DNAH10: variants seen among roughly 807,000 people sequenced by gnomAD.
DNAH10 encodes axonemal beta dynein heavy chain 10.
A neutral mutation model predicts 506.6 loss-of-function variants in DNAH10; 348 were observed. That is an observed-to-expected ratio of 0.69 (90% confidence interval 0.63 to 0.75). The LOEUF (loss-of-function observed/expected upper bound fraction) is 0.75, where lower values mean the gene tolerates loss of function less well. Ranked by LOEUF, DNAH10 falls within the 30% of genes least tolerant of loss-of-function variation. The pLI, the probability that DNAH10 is intolerant of heterozygous loss-of-function variation, is 0.00. For synonymous variants in DNAH10, 2,059 were observed against 2,198.6 expected, an observed-to-expected ratio of 0.94 and a Z score of 1.78; for missense variants, 5,179 against 5,787.1, an observed-to-expected ratio of 0.89 and a Z score of 3.41.
intron 2 of DNAH10, among the ~76,000 whole-genome samples, chr12:123,768,503 C>T (rs1957133640): frequency 6.6e-6 from 1 of 152,212 alleles, no homozygotes; most frequent in Non-Finnish European, 1.5e-5. Context: ...CATATCACCT[C>T]ATCTTTACTA....
intron 1 of DNAH10, among the ~76,000 whole-genome samples, chr12:123,766,908 C>CTTTTTTTTTTTTTTTTTT (rs374930458): frequency 7.3e-6 from 1 of 137,930 alleles, no homozygotes; most frequent in Non-Finnish European, 1.6e-5. Context: ...TTTCTTTTTT[C>CTTTTTTTTTTTTTTTTTT]TTTTTTTTTT....
chr12:123,896,514 T>G (rs765202472), intron 54 of DNAH10, among the ~76,000 whole-genome samples: 4 of 152,160 alleles, frequency 2.6e-5, no homozygotes. Context: ...TTTGCCGATA[T>G]GTGCTGGGTG....
At position 123,794,131 on chromosome 12, in the gene DNAH10, G is replaced by A; in HGVS notation, c.1986+19G>A. ...TAAAGAGGTAATTGAAAAATCGATA[G>A]CTGCCATAGCATTAAAAATACACTT... On this transcript the variant is annotated intron_variant, in intron 12 of 78. Coordinates refer to ENST00000673944, the MANE Select transcript of DNAH10 (RefSeq NM_001372106.1). 1 of 1,151,726 alleles carries A rather than the reference G, an allele frequency of 8.7e-7. No individual in the cohort carries two copies. 71.3% of individuals were successfully genotyped at this position (1,151,726 alleles called of 1,614,324 possible).
chr12:123,824,466 A>G (rs1395526435), intron 24 of DNAH10, among the ~76,000 whole-genome samples: 2 of 152,188 alleles, frequency 1.3e-5, no homozygotes, highest in Middle Eastern at 6.3e-3. Context: ...CTGAGCCACC[A>G]GTTCAGATGG....
In DNAH10 at chr12:123,917,883, C is replaced by T; in HGVS notation, c.11232+70C>T. On this transcript the variant is annotated intron_variant, in intron 64 of 78. Coordinates refer to ENST00000673944, the MANE Select transcript of DNAH10 (RefSeq NM_001372106.1). This position sits in a 1 kb window ranked among gnomAD's most constrained non-coding sequence, Gnocchi z 5.6. ...ATGCGCCGTTGGAGCGTCCATTTCT[C>T]TGTCTGCTCAATGAGAAAATGGGGC... 1 of 1,474,168 alleles carries T rather than the reference C, an allele frequency of 6.8e-7. No individual in the cohort carries two copies. Among genetic ancestry groups the T allele is most frequent in the Non-Finnish European group, 9.2e-7 (1 of 1,086,212 alleles). The allele number at this position is 1,474,168 out of a possible 1,614,324, so 91.3% of individuals were successfully genotyped here. A position where few individuals can be genotyped will look rare whatever the true frequency, so the allele number is the denominator to read the frequency against.
intron 51 of DNAH10, among the ~76,000 whole-genome samples, chr12:123,885,880 T>C (rs1239783479): frequency 6.6e-6 from 1 of 152,212 alleles, no homozygotes; most frequent in Non-Finnish European, 1.5e-5. Flanking sequence ...ATTTACCTTT[T>C]CTCTTTTGTG....
chr12:123,899,397 C>A lies in DNAH10; in HGVS notation c.9640+583C>A, dbSNP rs371773796. On this transcript the variant is annotated intron_variant, in intron 56 of 78. Coordinates refer to ENST00000673944, the MANE Select transcript of DNAH10 (RefSeq NM_001372106.1). ...CAGTGGCTTCTGATGTGTACCCTCC[C>A]CAGCTTGTTCCCAGATTCCTGCAGA... Among the ~76,000 whole-genome samples the A allele has an allele frequency of 1.2e-3, 177 of 152,256 alleles. 1 individual carries two copies. Among genetic ancestry groups the A allele is most frequent in the African/African-American group, 4.1e-3 (171 of 41,542 alleles).
intron 77 of DNAH10, 74 bp from the exon 78 acceptor site, chr12:123,934,547 T>G: frequency 6.4e-7 from 1 of 1,574,532 alleles, no homozygotes; most frequent in African/African-American, 1.3e-5. Flanking sequence ...TCGCTGTGTG[T>G]GCGCCTGATA....
rs1474009430 is a variant in DNAH10 at position 123,926,979 on chromosome 12, A to G, written c.12105+159A>G. 8.0e-6 allele frequency: 6 copies of G among 752,898 alleles called. No homozygotes were observed. In the East Asian group the frequency reaches 8.1e-5, roughly 10 times the overall value. 46.6% of individuals were successfully genotyped at this position (752,898 alleles called of 1,614,324 possible). ...GTAATGAAACACTGGGAAGATGACAATAATAGTTATGATTTCACAACCTCA... is the reference window on the plus strand; with the variant it reads ...GTAATGAAACACTGGGAAGATGACAGTAATAGTTATGATTTCACAACCTCA... On this transcript the variant is annotated intron_variant, in intron 69 of 78. Coordinates refer to ENST00000673944, the MANE Select transcript of DNAH10 (RefSeq NM_001372106.1). The surrounding 1 kb of genome is among the most constrained non-coding windows in gnomAD (Gnocchi z 4.1).
At position 123,871,498 on chromosome 12, in the gene DNAH10, CA is replaced by C. The variant is rs1342641004; in HGVS notation, c.7684del (p.Met2562TrpfsTer29). ...DTTRTTWILE[Q>X]MVKIKQPVIF... ...CACTCGGACTACCTGGATATTGGAACAAATGGTTAAAATTAAGCAACCTGTT... is the reference window on the plus strand; with the variant it reads ...CACTCGGACTACCTGGATATTGGAACAATGGTTAAAATTAAGCAACCTGTT... On this transcript the variant is annotated frameshift_variant, in exon 45 of 79. Coordinates refer to ENST00000673944, the MANE Select transcript of DNAH10 (RefSeq NM_001372106.1). LOFTEE classifies it high-confidence loss of function. The C allele has an allele frequency of 6.4e-7, 1 of 1,573,376 alleles. No homozygotes were observed. The highest frequency in any genetic ancestry group is 8.6e-7 in the Non-Finnish European group (1 of 1,157,796).
Position 123,924,040 on chromosome 12 carries a change from G to A in DNAH10, c.11611+173G>A, listed in dbSNP as rs1012160397. The A allele has an allele frequency of 1.2e-5, 9 of 733,316 alleles. No individual in the cohort carries two copies. The African/African-American group carries it at 1.6e-4, about 13-fold the overall frequency. 45.4% of individuals were successfully genotyped at this position (733,316 alleles called of 1,614,324 possible). On this transcript the variant is annotated intron_variant, in intron 66 of 78. Coordinates refer to ENST00000673944, the MANE Select transcript of DNAH10 (RefSeq NM_001372106.1). Reference sequence around the variant, plus strand: ...CATTCCAGCCTCAGAAATGGCTCTGGTTGAAATCGGAGCAGCCAGCCTCTG... The same window carrying A: ...CATTCCAGCCTCAGAAATGGCTCTGATTGAAATCGGAGCAGCCAGCCTCTG...
At chr12:123,888,307 T>G (rs1952829676) in intron 52 of DNAH10, among the ~76,000 whole-genome samples, 1 of 152,202 alleles carries the variant, frequency 6.6e-6, no homozygotes. Context: ...CTGAGGCCCC[T>G]GTAGAGGGCT....
In DNAH10 at chr12:123,784,069, C is replaced by T. The variant is rs778755341; in HGVS notation, c.1122C>T (p.Asp374=). ...TCTTGGATGTGATCAAGGAATCCGA[C>T]TCCATGCTTGTGGCTAATCTGCAGC... ...RKVLDVIKES[D]SMLVANLQPV... Residue 374 remains aspartate (D), a synonymous_variant, in exon 8 of 79, where the codon GAC becomes GAT. Coordinates refer to ENST00000673944, the MANE Select transcript of DNAH10 (RefSeq NM_001372106.1). 2 of 1,614,104 alleles carry T rather than the reference C, an allele frequency of 1.2e-6. No individual in the cohort carries two copies. The highest frequency in any genetic ancestry group is 1.7e-6 in the Non-Finnish European group (2 of 1,180,058).
chr12:123,916,743 ATG>A lies in DNAH10; in HGVS notation c.11002+11_11002+12del, dbSNP rs756148489. 1 of 1,602,042 alleles carries A rather than the reference ATG, an allele frequency of 6.2e-7. No homozygotes were observed. Among genetic ancestry groups the A allele is most frequent in the Non-Finnish European group, 8.5e-7 (1 of 1,173,116 alleles). ...ATGGTGATCAATTACACTGGTAAGA[ATG>A]TGTAGAACCTCCACTGCTAATTCAG... On this transcript the variant is annotated splice_region_variant and intron_variant, in intron 63 of 78. Transcript: ENST00000673944. The surrounding 1 kb of genome is among the most constrained non-coding windows in gnomAD (Gnocchi z 4.6).
intron 46 of DNAH10, among the ~76,000 whole-genome samples, chr12:123,874,513 A>G (rs1450442072): frequency 6.6e-6 from 1 of 150,994 alleles, no homozygotes; most frequent in Non-Finnish European, 1.5e-5. Flanking sequence ...CCATTTATCC[A>G]TCTACCCGTC....
At chr12:123,918,653 G>T in intron 64 of DNAH10, 23 bp from the exon 65 acceptor site, 2 of 1,533,106 alleles carry the variant, frequency 1.3e-6, no homozygotes. Flanking sequence ...CCTGTTTCCA[G>T]GGTCACCTGT....
Position 123,870,434 on chromosome 12 carries a change from T to G in DNAH10, c.7588T>G (p.Leu2530Val), listed in dbSNP as rs1951982460. 6.2e-7 allele frequency: 1 copy of G among 1,613,882 alleles called. No individual in the cohort carries two copies. The highest frequency in any genetic ancestry group is 1.3e-5 in the African/African-American group (1 of 75,022). The stretch of plus-strand genomic sequence containing the variant: ...GAATCAATGGGTCCCATGGAGTAAA[T>G]TAGTTCCAGAGTATATTCATGCCCC... ...KRNQWVPWSKLVPEYIHAPER... is the reference protein window; with the variant it reads ...KRNQWVPWSKVVPEYIHAPER... The change falls in exon 44 of 79, where the codon TTA becomes GTA. Residue 2530 changes from leucine (L) to valine (V), a missense_variant. Leu to Val is a conservative substitution (Grantham distance 32, BLOSUM62 1). Around this residue, in one of 3 missense-constraint regions of DNAH10, gnomAD observed 4,844 missense variants for 5,430.5 expected, o/e 0.89. Transcript: ENST00000673944.
intron 5 of DNAH10, among the ~76,000 whole-genome samples, chr12:123,778,216 T>A (rs200957483): frequency 2.2e-5 from 3 of 136,370 alleles, no homozygotes; most frequent in Non-Finnish European, 3.2e-5. Context: ...AAAAAAAAAA[T>A]GAAAAATAAA....
intron 33 of DNAH10, among the ~76,000 whole-genome samples, chr12:123,848,432 A>T (rs548567227): frequency 6.6e-6 from 1 of 152,302 alleles, no homozygotes; most frequent in Non-Finnish European, 1.5e-5. Context: ...TTGGTTCATA[A>T]TCACCATTTG....
Sources: allele counts gnomAD v4.1 joint callset (sites outside exome capture counted in the v4.1 genomes callset), GRCh38; gene constraint gnomAD v4.1.1; regional missense constraint gnomAD v4.1.1; non-coding constraint Gnocchi (gnomAD v3.1); transcripts MANE v1.5; gene names NCBI Gene and HGNC (gene_info 2026-07-23, HGNC 2026-07-21).